SLCO5A1: variants seen among roughly 807,000 people sequenced by gnomAD.
SLCO5A1 encodes the protein solute carrier organic anion transporter family member 5A1.
A neutral mutation model predicts 65.1 loss-of-function variants in SLCO5A1; 39 were observed. That is an observed-to-expected ratio of 0.60 (90% CI 0.46 to 0.78). The LOEUF is 0.78. Ranked by LOEUF, SLCO5A1 falls within the 30% of genes least tolerant of loss-of-function variation. The pLI is 0.00. For synonymous variants in SLCO5A1, 438 were observed against 415.7 expected (o/e 1.05, Z -0.65); for missense variants, 1,029 against 1,069.4 (o/e 0.96, Z 0.53).
At chr8:69,740,980 C>G (rs1487910775) in intron 4 of SLCO5A1, among the ~76,000 whole-genome samples, 5 of 152,210 alleles carry the variant, frequency 3.3e-5, no homozygotes, top group African/African-American at 1.2e-4. Context: ...ACAGCACTTT[C>G]ACAGTCACAT....
chr8:69,765,044 A>C (rs1184030176), intron 2 of SLCO5A1, among the ~76,000 whole-genome samples: 1 of 152,222 alleles, frequency 6.6e-6, no homozygotes, highest in Non-Finnish European at 1.5e-5. Flanking sequence ...AGCTTTTTAA[A>C]ATTTGGAAAA....
rs773368402 is a variant in SLCO5A1 at position 69,831,997 on chromosome 8, T to C, written c.677A>G (p.Glu226Gly). ...HFISPPYQIQ[E>G]LNASAPNDGL... ...GTCGTTGGGGGCCGAGGCGTTCAAC[T>C]CTTGGATCTGGTAGGGGGGCGAGAT... Residue 226 changes from glutamate (E) to glycine (G), a missense_variant, in exon 2 of 10, where the codon GAG becomes GGG. Around this residue, in one of 3 missense-constraint regions of SLCO5A1, gnomAD observed 647 missense variants for 647.5 expected, o/e 1.00. Coordinates refer to ENST00000260126, the MANE Select transcript of SLCO5A1 (RefSeq NM_030958.3). The C allele has an allele frequency of 3.1e-6, 5 of 1,597,344 alleles. No individual in the cohort carries two copies. The South Asian group carries it at 3.4e-5, about 11-fold the overall frequency.
At chr8:69,705,976 A>G (rs1814952157) in intron 5 of SLCO5A1, among the ~76,000 whole-genome samples, 1 of 152,244 alleles carries the variant, frequency 6.6e-6, no homozygotes, top group Admixed American at 6.5e-5. Flanking sequence ...ATGGGTACCA[A>G]AAGAAGTGGA....
At chr8:69,742,401 T>C (rs1816824063) in intron 4 of SLCO5A1, among the ~76,000 whole-genome samples, 1 of 152,092 alleles carries the variant, frequency 6.6e-6, no homozygotes, top group Non-Finnish European at 1.5e-5. Flanking sequence ...GATGATGAAA[T>C]AATGACAGTG....
chr8:69,753,757 T>A (rs1182570860), intron 4 of SLCO5A1, among the ~76,000 whole-genome samples: 3 of 151,918 alleles, frequency 2.0e-5, no homozygotes, highest in African/African-American at 7.3e-5. Context: ...ACGCCTGTAA[T>A]CCCAGCACTT....
intron 5 of SLCO5A1, among the ~76,000 whole-genome samples, chr8:69,725,460 G>GATGT (rs61338509): frequency 0.1 from 15,591 of 150,412 alleles, 901 homozygotes; most frequent in South Asian, 0.18. Flanking sequence ...AAAGAATAAA[G>GATGT]ATGTATGTAT....
chr8:69,799,722 A>T (rs541372076), intron 2 of SLCO5A1, among the ~76,000 whole-genome samples: 2 of 152,328 alleles, frequency 1.3e-5, no homozygotes, highest in African/African-American at 4.8e-5. Flanking sequence ...AGAGGTACTG[A>T]GCAAAAGGGG....
intron 3 of SLCO5A1, among the ~76,000 whole-genome samples, chr8:69,757,769 G>A (rs1452495151): frequency 5.9e-5 from 2 of 33,720 alleles, no homozygotes; most frequent in Non-Finnish European, 5.0e-5. Flanking sequence ...GGCTGCTTAC[G>A]AGGTCCTTAC....
chr8:69,675,863 CATT>C (rs1289494443), intron 9 of SLCO5A1, among the ~76,000 whole-genome samples: 7 of 152,240 alleles, frequency 4.6e-5, no homozygotes, highest in African/African-American at 9.6e-5. Flanking sequence ...GAGAAAAAGA[CATT>C]ATAAAAGGAA....
intron 6 of SLCO5A1, among the ~76,000 whole-genome samples, chr8:69,692,122 G>A (rs547430282): frequency 1.2e-4 from 18 of 152,138 alleles, no homozygotes; most frequent in South Asian, 2.1e-4. Flanking sequence ...GGTGGCGGGC[G>A]CCTGTAATCT....
intron 2 of SLCO5A1, among the ~76,000 whole-genome samples, chr8:69,811,172 T>C (rs1490296814): frequency 1.3e-5 from 2 of 152,154 alleles, no homozygotes; most frequent in East Asian, 3.9e-4. Flanking sequence ...ATCTTGCTGG[T>C]TGGAGACATA....
At chr8:69,798,673 C>T (rs561713255) in intron 2 of SLCO5A1, among the ~76,000 whole-genome samples, 20 of 152,094 alleles carry the variant, frequency 1.3e-4, no homozygotes, top group East Asian at 5.8e-4. Flanking sequence ...GATTACAATT[C>T]GACATGAGAT....
intron 2 of SLCO5A1, among the ~76,000 whole-genome samples, chr8:69,762,771 C>A (rs1398309005): frequency 6.6e-6 from 1 of 152,134 alleles, no homozygotes; most frequent in Non-Finnish European, 1.5e-5. Flanking sequence ...TTTTTTCAAA[C>A]CACCATGTTA....
chr8:69,725,411 C>T (rs111471275), intron 5 of SLCO5A1, among the ~76,000 whole-genome samples: 1,969 of 152,090 alleles, frequency 0.013, 16 homozygotes, highest in Non-Finnish European at 0.02. Context: ...AAAAGTGAAG[C>T]AATTCAACCT....
At chr8:69,815,266 T>C (rs1040812823) in intron 2 of SLCO5A1, among the ~76,000 whole-genome samples, 18 of 152,202 alleles carry the variant, frequency 1.2e-4, no homozygotes, top group Non-Finnish European at 2.6e-4. Context: ...CCCATAAATT[T>C]ATGCTGTTAT....
At chr8:69,823,252 A>C (rs577847411) in intron 2 of SLCO5A1, among the ~76,000 whole-genome samples, 1 of 152,240 alleles carries the variant, frequency 6.6e-6, no homozygotes, top group Non-Finnish European at 1.5e-5. Flanking sequence ...TAAAGACAGG[A>C]TCAAAGTCAC....
chr8:69,821,802 T>G (rs1443076705), intron 2 of SLCO5A1, among the ~76,000 whole-genome samples: 1 of 101,268 alleles, frequency 9.9e-6, no homozygotes, highest in Admixed American at 9.6e-5. Context: ...TGAGACTTTG[T>G]CTCAAAAAAA....
intron 8 of SLCO5A1, 130 bp downstream of exon 8, chr8:69,679,248 C>T (rs1813667164): frequency 1.6e-6 from 2 of 1,271,428 alleles, no homozygotes; most frequent in South Asian, 1.5e-5. Context: ...AGGCAAATAT[C>T]TGAGCGCCCT....
chr8:69,803,879 CTGCAGTGAGCTATGATCA>C (rs1819869233), intron 2 of SLCO5A1, among the ~76,000 whole-genome samples: 1 of 151,954 alleles, frequency 6.6e-6, no homozygotes, highest in African/African-American at 2.4e-5. Flanking sequence ...GAGTTTGAGG[CTGCAGTGAGCTATGATCA>C]TGCCACAGCA....
Sources: gnomAD v4.1 joint callset for allele counts (sites outside exome capture counted in the v4.1 genomes callset) on GRCh38, gnomAD v4.1.1 for gene constraint, gnomAD v4.1.1 regional missense constraint, MANE v1.5 for transcripts, NCBI Gene and HGNC (gene_info 2026-07-23, HGNC 2026-07-21) for gene names.